RBMX2: variants seen among roughly 807,000 people sequenced by gnomAD.
RBMX2 encodes the protein RNA-binding motif protein, X-linked 2.
For synonymous variants in RBMX2, 77 were observed against 94.3 expected, an observed-to-expected ratio of 0.82 and a Z score of 1.07; for missense variants, 191 against 256.0, an observed-to-expected ratio of 0.75 and a Z score of 1.73.
intron 5 of RBMX2, 63 bp downstream of exon 5, chrX:130,411,588 C>T: frequency 1.0e-6 from 1 of 979,424 alleles, no homozygotes; most frequent in South Asian, 3.1e-5. Flanking sequence ...TCCTTGCATT[C>T]ACTGATAGTT....
At chrX:130,406,918 T>A (rs1010774186) in intron 3 of RBMX2, among the ~76,000 whole-genome samples, 1 of 111,512 alleles carries the variant, frequency 9.0e-6, no homozygotes, top group African/African-American at 3.3e-5. Flanking sequence ...GTGTCAGATA[T>A]GGAATTTTCC....
chrX:130,413,025 G>C lies in RBMX2; in HGVS notation c.*177G>C, dbSNP rs2034523247. ...TCAACAGCTAGATATCCTGGATATT[G>C]TTTGCACCATCCATTGTCCCTGTAC... On this transcript the variant is annotated 3_prime_UTR_variant, in exon 6 of 6. Coordinates refer to ENST00000305536, the MANE Select transcript of RBMX2 (RefSeq NM_016024.4). 4.4e-6 allele frequency: 2 copies of C among 455,356 alleles called. No homozygotes were observed. The highest frequency in any genetic ancestry group is 7.2e-6 in the Non-Finnish European group (2 of 279,212). 37.5% of individuals were successfully genotyped at this position (455,356 alleles called of 1,213,427 possible).
At chrX:130,406,241 C>T (rs775569744) in intron 3 of RBMX2, among the ~76,000 whole-genome samples, 1 of 111,225 alleles carries the variant, frequency 9.0e-6, no homozygotes, top group Admixed American at 9.6e-5. Context: ...ATTGTCTATT[C>T]ATATCCTTTG....
Position 130,412,903 on chromosome X carries a change from A to G in RBMX2, c.*55A>G, listed in dbSNP as rs1032227071. ...TAATTATGTTTTTTAAATGCAGTCA[A>G]ATTCAGTTGGGTGGTTACTATTTTT... On this transcript the variant is annotated 3_prime_UTR_variant, in exon 6 of 6. Coordinates refer to ENST00000305536, the MANE Select transcript of RBMX2 (RefSeq NM_016024.4). The G allele has an allele frequency of 1.8e-6, 2 of 1,095,791 alleles. No homozygotes were observed. The highest frequency in any genetic ancestry group is 2.4e-6 in the Non-Finnish European group (2 of 823,004). 90.3% of individuals were successfully genotyped at this position (1,095,791 alleles called of 1,213,427 possible).
rs759830820 is a variant in RBMX2, at chrX:130,409,354, A to G, written c.271A>G (p.Ile91Val). The change falls in exon 4 of 6, where the codon ATT becomes GTT. Residue 91 changes from isoleucine (I) to valine (V), a missense_variant. Coordinates refer to ENST00000305536, the MANE Select transcript of RBMX2 (RefSeq NM_016024.4). Reference sequence around the variant, plus strand: ...CTGCTATGAAGACCAGAGGAGCACAATTCTGGCCGTCGACAATTTTAATGG... The same window carrying G: ...CTGCTATGAAGACCAGAGGAGCACAGTTCTGGCCGTCGACAATTTTAATGG... ...FLCYEDQRST[I>V]LAVDNFNGIK... 4 of 1,207,327 alleles carry G rather than the reference A, an allele frequency of 3.3e-6. No individual in the cohort carries two copies. The highest frequency in any genetic ancestry group is 2.2e-5 in the Admixed American group (1 of 45,389).
Position 130,412,430 on chromosome X carries a change from C to T in RBMX2, c.551C>T (p.Pro184Leu). Residue 184 changes from proline (P) to leucine (L), a missense_variant, in exon 6 of 6, where the codon CCA becomes CTA. Physicochemically the swap from Pro to Leu is moderately conservative, Grantham distance 98 (BLOSUM62 -3). Transcript: ENST00000305536. The part of the protein sequence containing the change: ...KADREVQAEQ[P>L]SSSSPRRKTV... The stretch of plus-strand genomic sequence containing the variant: ...GACCGGGAGGTACAGGCAGAGCAAC[C>T]ATCCTCTTCGTCACCCAGACGCAAG... The T allele has an allele frequency of 8.3e-7, 1 of 1,208,615 alleles. No individual in the cohort carries two copies.
At chrX:130,403,988 T>TC in intron 3 of RBMX2, 135 bp downstream of exon 3, 1 of 612,705 alleles carries the variant, frequency 1.6e-6, no homozygotes, top group Non-Finnish European at 2.7e-6. Flanking sequence ...GGCTGGAGCT[T>TC]CTGTTCTAGA....
chrX:130,405,833 CTTTTTTTTTTTTTTTTTTTTTTT>C lies in RBMX2; in HGVS notation c.173+1997_173+2019del, dbSNP rs770753173. Among the ~76,000 whole-genome samples the C allele has an allele frequency of 2.0e-4, 5 of 24,637 alleles. No homozygotes were observed. In the Admixed American group the frequency reaches 2.7e-3, roughly 13 times the overall value. The allele number at this position is 24,637 out of a possible 115,157, so 21.4% of individuals were successfully genotyped here. Reference sequence around the variant, plus strand: ...GCTTCTCATTATTACTTTGCTTTGCCTTTTTTTTTTTTTTTTTTTTTTTTTTTTTTTTTTTTTTTGAGACGGAG... The same window carrying C: ...GCTTCTCATTATTACTTTGCTTTGCCTTTTTTTTTTTTTTTTGAGACGGAG... On this transcript the variant is annotated intron_variant, in intron 3 of 5. Coordinates refer to ENST00000305536, the MANE Select transcript of RBMX2 (RefSeq NM_016024.4).
rs367934795 is a variant in RBMX2, at chrX:130,402,238, C to A, written c.6-17C>A. The A allele has an allele frequency of 3.7e-5, 44 of 1,180,905 alleles. No individual in the cohort carries two copies. The highest frequency in any genetic ancestry group is 2.9e-4 in the Middle Eastern group (1 of 3,441). On this transcript the variant is annotated splice_polypyrimidine_tract_variant and intron_variant, in intron 1 of 5. Transcript: ENST00000305536. ...GCTTTTCTGCCTACCCTCCCCACCC[C>A]CCCCGCCACCGTGAAGCCCTTTAAC...
At chrX:130,403,418 G>C (rs2034466457) in intron 2 of RBMX2, among the ~76,000 whole-genome samples, 1 of 111,789 alleles carries the variant, frequency 8.9e-6, no homozygotes, top group Non-Finnish European at 1.9e-5. Context: ...GCCCAGGCTG[G>C]AGTGCAATGG....
intron 3 of RBMX2, chrX:130,404,068 C>T (rs2034471113): frequency 2.5e-6 from 1 of 402,055 alleles, no homozygotes; most frequent in African/African-American, 2.4e-5. Flanking sequence ...GGGAGGGCAT[C>T]TTGGGGATCC....
chrX:130,404,742 T>C (rs748921525), intron 3 of RBMX2, among the ~76,000 whole-genome samples: 1 of 112,511 alleles, frequency 8.9e-6, no homozygotes, highest in South Asian at 3.7e-4. Context: ...GAGCCACTTA[T>C]GGGGCAGCAA....
intron 5 of RBMX2, among the ~76,000 whole-genome samples, chrX:130,411,986 G>T (rs1039159164): frequency 9.0e-6 from 1 of 111,241 alleles, no homozygotes; most frequent in Non-Finnish European, 1.9e-5. Context: ...GCAGTGGCAC[G>T]ATCTCGGCTC....
At chrX:130,402,632 C>T (rs1292834863) in intron 2 of RBMX2, among the ~76,000 whole-genome samples, 3 of 112,106 alleles carry the variant, frequency 2.7e-5, no homozygotes, top group Admixed American at 9.5e-5. Context: ...CTCTCTCACC[C>T]TCTGACCCAT....
intron 3 of RBMX2, among the ~76,000 whole-genome samples, chrX:130,407,868 C>T (rs1259725963): frequency 2.7e-5 from 3 of 110,910 alleles, no homozygotes; most frequent in African/African-American, 9.8e-5. Flanking sequence ...CCGTATTGTC[C>T]AGGCTGGTCT....
intron 1 of RBMX2, 31 bp from the exon 2 acceptor site, chrX:130,402,224 T>TGGCCA: frequency 8.5e-7 from 1 of 1,174,319 alleles, no homozygotes; most frequent in Non-Finnish European, 1.1e-6. Context: ...CTTTTCTGCC[T>TGGCCA]ACCCTCCCCA....
In RBMX2 at chrX:130,412,718, A is replaced by T. The variant is rs201952052; in HGVS notation, c.839A>T (p.Tyr280Phe). 93 of 1,208,499 alleles carry T rather than the reference A, an allele frequency of 7.7e-5. No homozygotes were observed. The highest frequency in any genetic ancestry group is 7.2e-5 in the Non-Finnish European group (64 of 894,883). The change falls in exon 6 of 6, where the codon TAT (tyrosine) becomes TTT (phenylalanine). Residue 280 changes from tyrosine (Y) to phenylalanine (F), a missense_variant. Coordinates refer to ENST00000305536, the MANE Select transcript of RBMX2 (RefSeq NM_016024.4). ...AGCTCAGATGCACATTCTAGCTGGT[A>T]TAATGGGCGTTCTGAAGGGCGTAGT... ...GRSSDAHSSW[Y>F]NGRSEGRSYR...
At position 130,411,391 on chromosome X, in the gene RBMX2, G is replaced by A. The variant is rs202009813; in HGVS notation, c.347G>A (p.Arg116Gln). ...TIRVDHVSNY[R>Q]APKDSEEIDD... ...CGAGTGGATCATGTGTCTAACTATC[G>A]GGCTCCTAAGGACTCAGAAGAAATA... Residue 116 changes from arginine to glutamine, a missense_variant, in exon 5 of 6, where the codon CGG becomes CAG. Transcript: ENST00000305536. 5.7e-5 allele frequency: 68 copies of A among 1,201,972 alleles called. No individual in the cohort carries two copies. The highest frequency in any genetic ancestry group is 7.1e-5 in the Non-Finnish European group (63 of 891,636).
rs2034501282 is a variant in RBMX2 at position 130,409,392 on chromosome X, T to A, written c.303+6T>A. On this transcript the variant is annotated splice_donor_region_variant and intron_variant, in intron 4 of 5. Transcript: ENST00000305536. Reference sequence around the variant, plus strand: ...ACAATTTTAATGGGATCAAGGTGAGTGTGCTTATTAAGCAGGTTGGTTGGA... The same window carrying A: ...ACAATTTTAATGGGATCAAGGTGAGAGTGCTTATTAAGCAGGTTGGTTGGA... The A allele has an allele frequency of 8.3e-7, 1 of 1,199,661 alleles. No homozygotes were observed. Among genetic ancestry groups the A allele is most frequent in the Non-Finnish European group, 1.1e-6 (1 of 890,273 alleles).
Sources: allele counts gnomAD v4.1 joint callset (sites outside exome capture counted in the v4.1 genomes callset), GRCh38; gene constraint gnomAD v4.1.1; transcripts MANE v1.5; gene names NCBI Gene and HGNC (gene_info 2026-07-23, HGNC 2026-07-21).